Variants in COL6A3 observed in about 807,000 individuals in gnomAD.
COL6A3 encodes collagen type VI alpha 3 chain.
A neutral mutation model predicts 274.1 loss-of-function variants in COL6A3; 137 were observed. That is an observed-to-expected ratio of 0.50 (90% CI 0.44 to 0.58). COL6A3 has a LOEUF of 0.58. Ranked by LOEUF, COL6A3 falls within the 20% of genes least tolerant of loss-of-function variation. The pLI, the probability that COL6A3 is intolerant of heterozygous loss-of-function variation, is 0.00. For synonymous variants in COL6A3, 1,650 were observed against 1,650.6 expected, an observed-to-expected ratio of 1.00 and a Z score of 0.01; for missense variants, 3,950 against 4,124.9, an observed-to-expected ratio of 0.96 and a Z score of 1.16.
chr2:237,357,834 C>T lies in COL6A3; in HGVS notation c.6520G>A (p.Gly2174Ser), dbSNP rs766458058. The T allele has an allele frequency of 1.2e-5, 19 of 1,614,166 alleles. No homozygotes were observed. The highest frequency in any genetic ancestry group is 1.1e-4 in the South Asian group (10 of 91,082). Residue 2174 changes from glycine (G) to serine (S), a missense_variant, in exon 22 of 44, where the codon GGT becomes AGT. This residue lies in a region of COL6A3 where 1,284 missense variants were observed against 1,349.7 expected (regional missense o/e 0.95). Coordinates refer to ENST00000295550, the MANE Select transcript of COL6A3 (RefSeq NM_004369.4). Reference sequence around the variant, plus strand: ...CACCTTACCATGGGGCCGAGGTCACCGGTTTCTCCTTTGGGTCCTCTCTCC... The same window carrying T: ...CACCTTACCATGGGGCCGAGGTCACTGGTTTCTCCTTTGGGTCCTCTCTCC... ...SQERGPKGET[G>S]DLGPMGVPGR...
At position 237,400,606 on chromosome 2, in the gene COL6A3, G is replaced by A. The variant is rs560292367; in HGVS notation, c.-30-3759C>T. The stretch of plus-strand genomic sequence containing the variant: ...CTTAAAATTAGTATGGGGTTGAATC[G>A]GTAATCAAAAACCTTCCATAAAAAA... On this transcript the variant is annotated intron_variant, in intron 1 of 43. Transcript: ENST00000295550. Among the ~76,000 whole-genome samples the A allele has an allele frequency of 7.3e-5, 11 of 149,822 alleles. No homozygotes were observed. In the South Asian group the frequency reaches 1.1e-3, roughly 15 times the overall value.
At chr2:237,384,079 T>C (rs1448187350) in intron 4 of COL6A3, among the ~76,000 whole-genome samples, 5 of 152,128 alleles carry the variant, frequency 3.3e-5, no homozygotes, top group African/African-American at 4.8e-5. Flanking sequence ...TGAAAAATAT[T>C]GAGTAACTGG....
chr2:237,333,344 A>C (rs952393805), intron 42 of COL6A3, 106 bp downstream of exon 42: 1 of 1,017,770 alleles, frequency 9.8e-7, no homozygotes, highest in Non-Finnish European at 1.5e-6. Context: ...CTTTTCCCCC[A>C]TAGAAGTCAT....
chr2:237,391,453 T>G (rs2078284690), intron 3 of COL6A3, among the ~76,000 whole-genome samples: 1 of 152,220 alleles, frequency 6.6e-6, no homozygotes, highest in African/African-American at 2.4e-5. Context: ...TTTTTGTGAG[T>G]ATAACAAAAC....
chr2:237,340,102 G>A (rs549043976), intron 38 of COL6A3, among the ~76,000 whole-genome samples: 5 of 152,222 alleles, frequency 3.3e-5, no homozygotes, highest in African/African-American at 9.6e-5. Flanking sequence ...CACTTCTCTC[G>A]CGACATGCCA....
At chr2:237,325,831 AAAG>A (rs1285737684) in intron 42 of COL6A3, 107 bp from the exon 43 acceptor site, 2 of 933,450 alleles carry the variant, frequency 2.1e-6, no homozygotes, top group Non-Finnish European at 3.2e-6. Context: ...GAAGGAAAAA[AAAG>A]AAGAGCTTCC....
chr2:237,395,351 C>T lies in COL6A3; in HGVS notation c.92-147G>A, dbSNP rs1021695966. 36 of 862,928 alleles carry T rather than the reference C, an allele frequency of 4.2e-5. No individual in the cohort carries two copies. The Admixed American group carries it at 8.6e-4, about 21-fold the overall frequency. 53.5% of individuals were successfully genotyped at this position (862,928 alleles called of 1,614,324 possible). A position where few individuals can be genotyped will look rare whatever the true frequency, so the allele number is the denominator to read the frequency against. On this transcript the variant is annotated intron_variant, in intron 2 of 43. Coordinates refer to ENST00000295550, the MANE Select transcript of COL6A3 (RefSeq NM_004369.4). The stretch of plus-strand genomic sequence containing the variant: ...CTGATAATACAGGAAGGTAGACTCA[C>T]TTACCTGGGAACCAGGGACCTGAGC...
rs1574910862 is a variant in COL6A3 at position 237,325,544 on chromosome 2, A to G, written c.9493+16T>C. On this transcript the variant is annotated intron_variant, in intron 43 of 43. Transcript: ENST00000295550. ...CTTATTTGCAGAAGCCATAAACACA[A>G]GGAAGAATCACTTACCAGGAGCGCA... The G allele has an allele frequency of 6.2e-7, 1 of 1,614,148 alleles. No homozygotes were observed. Among genetic ancestry groups the G allele is most frequent in the Non-Finnish European group, 8.5e-7 (1 of 1,179,998 alleles).
At chr2:237,369,248 T>A in intron 9 of COL6A3, 71 bp from the exon 10 acceptor site, 1 of 1,574,554 alleles carries the variant, frequency 6.4e-7, no homozygotes, top group Non-Finnish European at 8.6e-7. Flanking sequence ...GGTGTGCACC[T>A]TGCACCATAA....
At chr2:237,373,934 A>G (rs777335744) in intron 8 of COL6A3, among the ~76,000 whole-genome samples, 1 of 152,154 alleles carries the variant, frequency 6.6e-6, no homozygotes, top group Non-Finnish European at 1.5e-5. Context: ...CAAAGTCAAA[A>G]TTATCTTCAC....
Position 237,364,548 on chromosome 2 carries a change from G to A in COL6A3, c.5839-120C>T, listed in dbSNP as rs150525433. ...TCATTTTACACTTAAGGAAACTGAG[G>A]GCCCAAGTTGAGGAATGATTACCCA... On this transcript the variant is annotated intron_variant, in intron 12 of 43. Transcript: ENST00000295550. This position sits in a 1 kb window ranked among gnomAD's most constrained non-coding sequence, Gnocchi z 4.6. 2.5e-5 allele frequency: 20 copies of A among 784,600 alleles called. 1 individual carries two copies. The African/African-American group carries it at 2.7e-4, about 11-fold the overall frequency. 48.6% of individuals were successfully genotyped at this position (784,600 alleles called of 1,614,324 possible). A position where few individuals can be genotyped will look rare whatever the true frequency, so the allele number is the denominator to read the frequency against.
rs1388018636 is a variant in COL6A3, at chr2:237,379,086, A to G, written c.2047T>C (p.Phe683Leu). The part of the protein sequence containing the change: ...NDNIRVGLVQ[F>L]SDTPVTEFSL... Reference sequence around the variant, plus strand: ...AACTCCGTTACAGGAGTGTCACTAAATTGCACTAAACCAACACGAATATTG... The same window carrying G: ...AACTCCGTTACAGGAGTGTCACTAAGTTGCACTAAACCAACACGAATATTG... Residue 683 changes from phenylalanine to leucine, a missense_variant, in exon 6 of 44, where the codon TTT (phenylalanine) becomes CTT (leucine). Around this residue, in one of 5 missense-constraint regions of COL6A3, gnomAD observed 1,934 missense variants for 1,984.3 expected, o/e 0.97. Coordinates refer to ENST00000295550, the MANE Select transcript of COL6A3 (RefSeq NM_004369.4). 6.2e-7 allele frequency: 1 copy of G among 1,614,232 alleles called. No homozygotes were observed. The highest frequency in any genetic ancestry group is 1.7e-5 in the Admixed American group (1 of 60,032).
intron 1 of COL6A3, among the ~76,000 whole-genome samples, chr2:237,411,043 G>C (rs972462051): frequency 6.6e-6 from 1 of 152,088 alleles, no homozygotes; most frequent in Non-Finnish European, 1.5e-5. Flanking sequence ...TCCTCAAATC[G>C]TCAGCTATTT....
intron 3 of COL6A3, among the ~76,000 whole-genome samples, chr2:237,392,482 T>C (rs962169154): frequency 6.6e-5 from 10 of 152,212 alleles, no homozygotes; most frequent in African/African-American, 2.4e-4. Context: ...CCACCATCCA[T>C]GTGTATTCAC....
chr2:237,357,305 C>G (rs750641245), intron 23 of COL6A3, 33 bp downstream of exon 23: 21 of 1,604,404 alleles, frequency 1.3e-5, no homozygotes, highest in Non-Finnish European at 1.7e-5. Flanking sequence ...TAAGAATTGT[C>G]ACAGAGCCCC....
chr2:237,335,998 A>T, intron 40 of COL6A3, 137 bp downstream of exon 40: 1 of 1,123,058 alleles, frequency 8.9e-7, no homozygotes, highest in Non-Finnish European at 1.3e-6. Flanking sequence ...AACACCTCTT[A>T]AAATACATCA....
rs1225819381 is a variant in COL6A3, at chr2:237,376,762, T to C, written c.3070+10A>G. The C allele has an allele frequency of 6.2e-7, 1 of 1,613,946 alleles. No homozygotes were observed. Among genetic ancestry groups the C allele is most frequent in the Non-Finnish European group, 8.5e-7 (1 of 1,179,894 alleles). ...TGAGTGGCAGAGCAACTAGCATTTC[T>C]CTACCATACCTGGTGCTGGTGCTCC... is the stretch of plus-strand genomic sequence containing the variant. On this transcript the variant is annotated intron_variant, in intron 7 of 43. Coordinates refer to ENST00000295550, the MANE Select transcript of COL6A3 (RefSeq NM_004369.4).
At position 237,371,930 on chromosome 2, in the gene COL6A3, C is replaced by G. The variant is rs1305553355; in HGVS notation, c.4087G>C (p.Gly1363Arg). ...DDPAVELKQF[G>R]VAPFTIARNA... The stretch of plus-strand genomic sequence containing the variant: ...CTGGCGATCGTGAAAGGGGCCACGC[C>G]AAACTGCTTGAGCTCCACCGCCGGG... Residue 1363 changes from glycine to arginine, a missense_variant, in exon 9 of 44, where the codon GGC (glycine) becomes CGC (arginine). Physicochemically the swap from Gly to Arg is moderately radical, Grantham distance 125. Coordinates refer to ENST00000295550, the MANE Select transcript of COL6A3 (RefSeq NM_004369.4). This position sits in a 1 kb window ranked among gnomAD's most constrained non-coding sequence, Gnocchi z 4.3. The G allele has an allele frequency of 6.2e-7, 1 of 1,613,958 alleles. No individual in the cohort carries two copies. Among genetic ancestry groups the G allele is most frequent in the Non-Finnish European group, 8.5e-7 (1 of 1,180,034 alleles).
rs1221533170 is a variant in COL6A3, at chr2:237,346,582, A to ATTGTTC, written c.7030-18_7030-17insGAACAA. 6.2e-7 allele frequency: 1 copy of ATTGTTC among 1,611,090 alleles called. No individual in the cohort carries two copies. The highest frequency in any genetic ancestry group is 1.1e-5 in the South Asian group (1 of 91,012). ...CGAATTTCCCTAGAGGGAGCAGAAC[A>ATTGTTC]AACATTGTTCAACTGTGTCAGAAAG... On this transcript the variant is annotated splice_polypyrimidine_tract_variant and intron_variant, in intron 31 of 43. Transcript: ENST00000295550.
Sources: gnomAD v4.1 joint callset for allele counts (sites outside exome capture counted in the v4.1 genomes callset) on GRCh38, gnomAD v4.1.1 for gene constraint, gnomAD v4.1.1 regional missense constraint, Gnocchi (gnomAD v3.1) non-coding constraint, MANE v1.5 for transcripts, NCBI Gene and HGNC (gene_info 2026-07-23, HGNC 2026-07-21) for gene names.